Variants in ABCA13 observed in about 807,000 individuals in gnomAD.
ABCA13 encodes the protein ATP-binding cassette sub-family A member 13.
In ABCA13, 476 loss-of-function variants were observed where a neutral mutation model predicts 478.7. The ratio of observed to expected loss-of-function variants is 0.99; its 90% CI spans 0.92 to 1.07. ABCA13 has a LOEUF of 1.07. Ranked by LOEUF, ABCA13 falls within the 50% of genes least tolerant of loss-of-function variation. ABCA13 has a pLI of 0.00. For synonymous variants in ABCA13, 2,252 were observed against 2,158.9 expected (o/e 1.04, Z -1.20); for missense variants, 6,060 against 5,910.6 (o/e 1.03, Z -0.83).
At chr7:48,221,191 C>G (rs775245092) in intron 4 of ABCA13, 90 bp from the exon 5 acceptor site, 50 of 660,840 alleles carry the variant, frequency 7.6e-5, no homozygotes, top group Non-Finnish European at 1.1e-4. Flanking sequence ...CTTGGATACT[C>G]CATTTGACTT....
chr7:48,371,580 C>T (rs1812640235), intron 32 of ABCA13, among the ~76,000 whole-genome samples: 1 of 152,114 alleles, frequency 6.6e-6, no homozygotes, highest in African/African-American at 2.4e-5. Context: ...CACGATTTGG[C>T]TCTCTGCTTG....
intron 59 of ABCA13, among the ~76,000 whole-genome samples, chr7:48,636,888 C>T (rs957452867): frequency 6.6e-6 from 1 of 152,082 alleles, no homozygotes; most frequent in African/African-American, 2.4e-5. Flanking sequence ...CTTATCAAAG[C>T]CTTTTCTTAA....
chr7:48,573,501 G>A (rs547548165), intron 55 of ABCA13, among the ~76,000 whole-genome samples: 1 of 152,150 alleles, frequency 6.6e-6, no homozygotes, highest in African/African-American at 2.4e-5. Context: ...TTTGAGACCA[G>A]CCTGGGCAAC....
At chr7:48,563,889 T>C (rs1786742499) in intron 55 of ABCA13, among the ~76,000 whole-genome samples, 1 of 151,968 alleles carries the variant, frequency 6.6e-6, no homozygotes, top group East Asian at 1.9e-4. Context: ...TTCTAGCCTG[T>C]GTTTAGCTTC....
intron 56 of ABCA13, among the ~76,000 whole-genome samples, chr7:48,583,146 A>G (rs1563467093): frequency 6.6e-6 from 1 of 152,160 alleles, no homozygotes; most frequent in South Asian, 2.1e-4. Context: ...TAGTTTTGTT[A>G]ATACCTGCAC....
rs1189101217 is a variant in ABCA13 at position 48,220,717 on chromosome 7, C to T, written c.440-564C>T. On this transcript the variant is annotated intron_variant, in intron 4 of 61. Coordinates refer to ENST00000435803, the MANE Select transcript of ABCA13 (RefSeq NM_152701.5). Reference sequence around the variant, plus strand: ...CAAATGATGGAGTTCTTATATTACACTCTATTTTGGGGTCATTCTACTTTT... The same window carrying T: ...CAAATGATGGAGTTCTTATATTACATTCTATTTTGGGGTCATTCTACTTTT... Among the ~76,000 whole-genome samples the T allele has an allele frequency of 2.6e-5, 4 of 152,128 alleles. No individual in the cohort carries two copies. In the East Asian group the frequency reaches 7.7e-4, roughly 29 times the overall value.
At chr7:48,299,684 T>A (rs1391170683) in intron 23 of ABCA13, among the ~76,000 whole-genome samples, 3 of 152,134 alleles carry the variant, frequency 2.0e-5, no homozygotes, top group Non-Finnish European at 4.4e-5. Flanking sequence ...ACTTCTGGGG[T>A]CCCTTTCAAA....
intron 1 of ABCA13, among the ~76,000 whole-genome samples, chr7:48,187,002 T>TGTATATATCTGTGTGTATATGC (rs1194435415): frequency 1.9e-4 from 23 of 119,938 alleles, no homozygotes; most frequent in Admixed American, 6.2e-4. Flanking sequence ...TGTATATGCA[T>TGTATATATCTGTGTGTATATGC]ATATATATGT....
Position 48,634,420 on chromosome 7 carries a change from T to C in ABCA13, c.14838-8868T>C, listed in dbSNP as rs565499312. Among the ~76,000 whole-genome samples, 4 of 152,326 alleles carry C rather than the reference T, an allele frequency of 2.6e-5. No individual in the cohort carries two copies. In the East Asian group the frequency reaches 7.7e-4, roughly 29 times the overall value. ...GGTTTACCAGTAAAACCATCAAGGA[T>C]GGCTTGTTTTTGTAAGGTCAGCAGT... is the stretch of plus-strand genomic sequence containing the variant. On this transcript the variant is annotated intron_variant, in intron 59 of 61. Coordinates refer to ENST00000435803, the MANE Select transcript of ABCA13 (RefSeq NM_152701.5).
chr7:48,518,100 C>T (rs1832266812), intron 52 of ABCA13, among the ~76,000 whole-genome samples: 1 of 152,164 alleles, frequency 6.6e-6, no homozygotes. Context: ...GTGATTTTTA[C>T]AGATTTATTA....
chr7:48,541,879 C>A (rs1833966577), intron 55 of ABCA13, among the ~76,000 whole-genome samples: 1 of 149,012 alleles, frequency 6.7e-6, no homozygotes, highest in Admixed American at 6.8e-5. Context: ...AAAAATCAGA[C>A]ACTCAGAAAC....
intron 44 of ABCA13, among the ~76,000 whole-genome samples, chr7:48,470,529 G>A (rs952106629): frequency 1.3e-5 from 2 of 152,150 alleles, no homozygotes. Flanking sequence ...TTATTTCCAT[G>A]TAAACTCTTA....
intron 59 of ABCA13, among the ~76,000 whole-genome samples, chr7:48,624,885 TTTTA>T (rs1328061269): frequency 6.6e-6 from 1 of 152,144 alleles, no homozygotes; most frequent in East Asian, 1.9e-4. Context: ...TTTCTTTCTT[TTTTA>T]TTTTTTATAA....
intron 35 of ABCA13, among the ~76,000 whole-genome samples, chr7:48,382,283 A>T (rs1350608887): frequency 6.6e-6 from 1 of 152,136 alleles, no homozygotes; most frequent in Admixed American, 6.5e-5. Context: ...ATCTTTCTTA[A>T]AAATAGACCA....
intron 44 of ABCA13, 105 bp from the exon 45 acceptor site, chr7:48,471,405 CTTCTCGGCAGTGGGAGATGA>C (rs1167544223): frequency 4.8e-6 from 4 of 826,198 alleles, no homozygotes; most frequent in African/African-American, 3.5e-5. Context: ...AGAGCTCTGC[CTTCTCGGCAGTGGGAGATGA>C]TTATCTTGTG....
chr7:48,487,848 T>G (rs1032824394), intron 47 of ABCA13, among the ~76,000 whole-genome samples: 1 of 152,172 alleles, frequency 6.6e-6, no homozygotes, highest in African/African-American at 2.4e-5. Flanking sequence ...CAGAGTTGTG[T>G]GGGTGGATGA....
At chr7:48,468,122 A>C (rs1052322699) in intron 44 of ABCA13, among the ~76,000 whole-genome samples, 7 of 150,734 alleles carry the variant, frequency 4.6e-5, no homozygotes, top group African/African-American at 1.7e-4. Context: ...ACCAGTTAGA[A>C]AAAAAAAAAT....
intron 42 of ABCA13, among the ~76,000 whole-genome samples, chr7:48,435,559 G>T (rs1219492112): frequency 6.6e-6 from 1 of 151,756 alleles, no homozygotes; most frequent in East Asian, 1.9e-4. Context: ...ATCTTGAATA[G>T]AAGTGGTGAA....
At chr7:48,288,115 C>A in intron 20 of ABCA13, 37 bp downstream of exon 20, 1 of 1,569,694 alleles carries the variant, frequency 6.4e-7, no homozygotes, top group Non-Finnish European at 8.8e-7. Context: ...ATTTCATGTT[C>A]ATGACTATTG....
Sources: allele counts gnomAD v4.1 joint callset (sites outside exome capture counted in the v4.1 genomes callset), GRCh38; gene constraint gnomAD v4.1.1; transcripts MANE v1.5; gene names NCBI Gene and HGNC (gene_info 2026-07-23, HGNC 2026-07-21).